The following IGF2BP3 variants were observed in gnomAD, a reference collection of about 807,000 sequenced individuals.
IGF2BP3 encodes the protein insulin-like growth factor 2 mRNA-binding protein 3.
Under a neutral mutation model 73.8 loss-of-function variants are expected in IGF2BP3, and 9 were observed. That is an observed-to-expected ratio of 0.12 (90% CI 0.07 to 0.21). The LOEUF (loss-of-function observed/expected upper bound fraction) is 0.21. IGF2BP3 is among the 10% of genes least tolerant of loss of function. The pLI is 1.00. For missense variants in IGF2BP3, 542 were observed against 714.0 expected (o/e 0.76, Z 2.75); for synonymous variants, 258 against 256.7 (o/e 1.01, Z -0.05).
chr7:23,411,285 C>T (rs1459808309), intron 3 of IGF2BP3, among the ~76,000 whole-genome samples: 1 of 152,156 alleles, frequency 6.6e-6, no homozygotes, highest in Non-Finnish European at 1.5e-5. Flanking sequence ...GCCAATTACA[C>T]CTAAAATGCT....
chr7:23,432,507 A>G (rs1787709312), intron 2 of IGF2BP3, among the ~76,000 whole-genome samples: 1 of 152,198 alleles, frequency 6.6e-6, no homozygotes, highest in Admixed American at 6.5e-5. Flanking sequence ...CTTAATGTAG[A>G]ATGTCAAACA....
At chr7:23,405,250 T>C (rs368075871) in intron 3 of IGF2BP3, 4 of 152,242 alleles carry the variant, frequency 2.6e-5, no homozygotes, top group African/African-American at 9.6e-5. Context: ...TTCCAGGTTC[T>C]AGATCCAGAC....
chr7:23,446,329 A>C (rs1432970368), intron 2 of IGF2BP3, among the ~76,000 whole-genome samples: 1 of 151,890 alleles, frequency 6.6e-6, no homozygotes, highest in Non-Finnish European at 1.5e-5. Flanking sequence ...TGGGAGACCA[A>C]GGTGGGTGGA....
At chr7:23,319,985 A>C (rs538275043) in intron 10 of IGF2BP3, among the ~76,000 whole-genome samples, 1 of 151,814 alleles carries the variant, frequency 6.6e-6, no homozygotes, top group Non-Finnish European at 1.5e-5. Context: ...ATCTCGGCTC[A>C]CTGCAACCTC....
At chr7:23,446,686 A>G (rs949985773) in intron 2 of IGF2BP3, among the ~76,000 whole-genome samples, 3 of 152,230 alleles carry the variant, frequency 2.0e-5, no homozygotes, top group Non-Finnish European at 2.9e-5. Context: ...AATTAGTGAA[A>G]GTATTGAGAG....
intron 10 of IGF2BP3, among the ~76,000 whole-genome samples, chr7:23,321,732 G>A (rs562398797): frequency 1.9e-4 from 29 of 152,282 alleles, no homozygotes; most frequent in Middle Eastern, 6.8e-3. Context: ...CTCTGAGAAC[G>A]GGCAGACTGC....
chr7:23,390,357 T>C (rs1005581286), intron 3 of IGF2BP3, among the ~76,000 whole-genome samples: 4 of 152,050 alleles, frequency 2.6e-5, no homozygotes, highest in African/African-American at 7.3e-5. Flanking sequence ...AGTCATTCTT[T>C]AACTGAGGCT....
At chr7:23,316,953 G>A (rs1375512327) in intron 12 of IGF2BP3, among the ~76,000 whole-genome samples, 1 of 152,148 alleles carries the variant, frequency 6.6e-6, no homozygotes, top group Admixed American at 6.5e-5. Context: ...ACTACCTTAG[G>A]ATGTAGGTGC....
chr7:23,361,504 T>A (rs765030617), intron 5 of IGF2BP3, 30 bp downstream of exon 5: 2 of 1,566,796 alleles, frequency 1.3e-6, no homozygotes, highest in East Asian at 4.5e-5. Context: ...TTAGTTATTA[T>A]ATATAGATTA....
rs61091829 is a variant in IGF2BP3, at chr7:23,418,496, T to C, written c.285+280A>G. 5.1e-3 allele frequency among the ~76,000 whole-genome samples: 771 copies of C among 152,298 alleles called. 43 individuals are homozygous for C. The East Asian group carries it at 0.12, about 23-fold the overall frequency. ...AATTGGCAAACTCATCAGAAAGAACTGAAATCAACAAAATCCTGTTGGGAA... is the reference window on the plus strand; with the variant it reads ...AATTGGCAAACTCATCAGAAAGAACCGAAATCAACAAAATCCTGTTGGGAA... On this transcript the variant is annotated intron_variant, in intron 3 of 14. Coordinates refer to ENST00000258729, the MANE Select transcript of IGF2BP3 (RefSeq NM_006547.3).
At chr7:23,375,464 T>G (rs1785688485) in intron 3 of IGF2BP3, among the ~76,000 whole-genome samples, 1 of 152,208 alleles carries the variant, frequency 6.6e-6, no homozygotes, top group Non-Finnish European at 1.5e-5. Flanking sequence ...TCTAGGCTTT[T>G]CGCCGCTAAA....
intron 10 of IGF2BP3, among the ~76,000 whole-genome samples, chr7:23,320,891 A>C (rs948084268): frequency 3.3e-4 from 48 of 146,506 alleles, no homozygotes; most frequent in Admixed American, 3.2e-3. Flanking sequence ...TTCAGGATGC[A>C]GTGAGCTGAG....
In IGF2BP3 at chr7:23,388,967, G is replaced by A. The variant is rs559748561; in HGVS notation, c.286-27226C>T. Among the ~76,000 whole-genome samples the A allele has an allele frequency of 2.6e-5, 4 of 152,124 alleles. No individual in the cohort carries two copies. In the East Asian group the frequency reaches 5.8e-4, roughly 22 times the overall value. On this transcript the variant is annotated intron_variant, in intron 3 of 14. Transcript: ENST00000258729. ...ACTACTCAGCTATGAAAGGGAATAGGCTCTTGACTCACACATCATAGGTAA... is the reference window on the plus strand; with the variant it reads ...ACTACTCAGCTATGAAAGGGAATAGACTCTTGACTCACACATCATAGGTAA...
intron 5 of IGF2BP3, among the ~76,000 whole-genome samples, chr7:23,360,126 T>TC (rs1413267001): frequency 6.6e-6 from 1 of 151,026 alleles, no homozygotes; most frequent in Non-Finnish European, 1.5e-5. Context: ...GGAGAAAGAC[T>TC]CCCCCACAAT....
intron 2 of IGF2BP3, among the ~76,000 whole-genome samples, chr7:23,450,079 G>A (rs541423468): frequency 6.6e-6 from 1 of 152,336 alleles, no homozygotes; most frequent in East Asian, 1.9e-4. Flanking sequence ...ATGAAGCAAT[G>A]CAGTGGCACT....
At chr7:23,317,984 A>G (rs1784037193) in intron 11 of IGF2BP3, among the ~76,000 whole-genome samples, 1 of 152,024 alleles carries the variant, frequency 6.6e-6, no homozygotes, top group Admixed American at 6.5e-5. Context: ...AAGTAGTATT[A>G]CCTCCACTTC....
rs557467066 is a variant in IGF2BP3 at position 23,412,842 on chromosome 7, CTTTTTTTTTTTTTTTTTTTT to C, written c.285+5914_285+5933del. On this transcript the variant is annotated intron_variant, in intron 3 of 14. Transcript: ENST00000258729. ...GAAATCCTTTCCTTAAGACTCTGGC[CTTTTTTTTTTTTTTTTTTTT>C]TTTTTTTTTTTTTTTGAGACAGAGT... Among the ~76,000 whole-genome samples, 26 of 37,018 alleles carry C rather than the reference CTTTTTTTTTTTTTTTTTTTT, an allele frequency of 7.0e-4. No individual in the cohort carries two copies. The East Asian group carries it at 0.02, about 28-fold the overall frequency. 24.3% of individuals were successfully genotyped at this position (37,018 alleles called of 152,430 possible).
chr7:23,368,625 C>T (rs1337601355), intron 3 of IGF2BP3, among the ~76,000 whole-genome samples: 2 of 152,038 alleles, frequency 1.3e-5, no homozygotes, highest in Admixed American at 6.6e-5. Context: ...AGGCCGGGCG[C>T]GGTGGCTCAC....
chr7:23,321,046 G>T (rs1032573300), intron 10 of IGF2BP3, among the ~76,000 whole-genome samples: 1 of 151,792 alleles, frequency 6.6e-6, no homozygotes, highest in Non-Finnish European at 1.5e-5. Flanking sequence ...AATATTAGAA[G>T]ATATTTTGTC....
Sources: allele counts gnomAD v4.1 joint callset (sites outside exome capture counted in the v4.1 genomes callset), GRCh38; gene constraint gnomAD v4.1.1; transcripts MANE v1.5; gene names NCBI Gene and HGNC (gene_info 2026-07-23, HGNC 2026-07-21).